The following RSBN1 variants were observed in gnomAD, a reference collection of about 807,000 sequenced individuals.
The protein encoded by RSBN1 is round spermatid basic protein 1.
Under a neutral mutation model 74.8 loss-of-function variants are expected in RSBN1, and 23 were observed. That is an observed-to-expected ratio of 0.31 (90% CI 0.22 to 0.44). RSBN1 has a LOEUF of 0.44. Among genes scored for constraint, RSBN1 ranks in the 20% least tolerant of loss-of-function variants. RSBN1 has a pLI of 1.00. For synonymous variants in RSBN1, 407 were observed against 379.6 expected (o/e 1.07, Z -0.84); for missense variants, 808 against 1,020.9 (o/e 0.79, Z 2.84).
chr1:113,790,506 T>G (rs1284895860), intron 2 of RSBN1, among the ~76,000 whole-genome samples: 1 of 152,084 alleles, frequency 6.6e-6, no homozygotes, highest in African/African-American at 2.4e-5. Flanking sequence ...AAAAGATGTA[T>G]ACAGATAAAG....
intron 4 of RSBN1, among the ~76,000 whole-genome samples, chr1:113,770,868 T>C (rs1359192331): frequency 6.6e-6 from 1 of 151,756 alleles, no homozygotes; most frequent in Non-Finnish European, 1.5e-5. Flanking sequence ...AAAAAGATAA[T>C]AGGAAATATG....
chr1:113,764,508 A>G lies in RSBN1; in HGVS notation c.*1472T>C, dbSNP rs1659743336. The G allele has an allele frequency of 6.6e-6, 1 of 152,568 alleles. No individual in the cohort carries two copies. Among genetic ancestry groups the G allele is most frequent in the Non-Finnish European group, 1.5e-5 (1 of 67,996 alleles). The allele number at this position is 152,568 out of a possible 1,614,324, so 9.5% of individuals were successfully genotyped here. The stretch of plus-strand genomic sequence containing the variant: ...CAATATTGCACAAAGTAATATTTAT[A>G]TAAGATTTAACCTATTTCAGAATAT... On this transcript the variant is annotated 3_prime_UTR_variant, in exon 7 of 7. Transcript: ENST00000261441.
rs185158277 is a variant in RSBN1, at chr1:113,772,623, C to G, written c.1659-4234G>C. Among the ~76,000 whole-genome samples, 25 of 152,274 alleles carry G rather than the reference C, an allele frequency of 1.6e-4. 1 individual carries two copies. The East Asian group carries it at 4.8e-3, about 29-fold the overall frequency. On this transcript the variant is annotated intron_variant, in intron 4 of 6. Coordinates refer to ENST00000261441, the MANE Select transcript of RSBN1 (RefSeq NM_018364.5). ...AGTAGCAGTGTCCTTGGTAACTGAA[C>G]AGCTTCTCACATTTTTATTCCACCA... is the stretch of plus-strand genomic sequence containing the variant.
Position 113,768,295 on chromosome 1 carries a change from G to A in RSBN1, c.1753C>T (p.His585Tyr). The A allele has an allele frequency of 1.9e-6, 3 of 1,613,792 alleles. No individual in the cohort carries two copies. Among genetic ancestry groups the A allele is most frequent in the Non-Finnish European group, 2.5e-6 (3 of 1,179,786 alleles). ...TGCCAGTCAAACCCCTGACCGACAT[G>A]ATCAGCATGAGCTCTAGTCCTATCT... ...FEDRTRAHADHVGQGFDWQST... is the reference protein window; with the variant it reads ...FEDRTRAHADYVGQGFDWQST... The change falls in exon 5 of 7, where the codon CAT becomes TAT. Residue 585 changes from histidine (H) to tyrosine (Y), a missense_variant. His to Tyr is a moderately conservative substitution (Grantham distance 83). Transcript: ENST00000261441.
chr1:113,783,553 G>C (rs1433759540), intron 2 of RSBN1, among the ~76,000 whole-genome samples: 1 of 152,116 alleles, frequency 6.6e-6, no homozygotes, highest in African/African-American at 2.4e-5. Context: ...CTTCTTTTTA[G>C]TAAGAAAATT....
At chr1:113,792,484 G>A (rs1236031573) in intron 2 of RSBN1, among the ~76,000 whole-genome samples, 3 of 152,276 alleles carry the variant, frequency 2.0e-5, no homozygotes, top group African/African-American at 4.8e-5. Flanking sequence ...AGGAGAATCC[G>A]TTGAGACCAG....
In RSBN1 at chr1:113,763,526, C is replaced by T. The variant is rs748440238; in HGVS notation, c.*2454G>A. On this transcript the variant is annotated 3_prime_UTR_variant, in exon 7 of 7. Transcript: ENST00000261441. ...ATACAGCTTTGAAAGCAGTAAAAAA[C>T]GCAAAACTTCTGCTTTTATACTCAT... 5 of 152,734 alleles carry T rather than the reference C, an allele frequency of 3.3e-5. No homozygotes were observed. Among genetic ancestry groups the T allele is most frequent in the African/African-American group, 4.8e-5 (2 of 41,438 alleles). 9.5% of individuals were successfully genotyped at this position (152,734 alleles called of 1,614,324 possible).
chr1:113,811,275 C>T (rs1030781213), intron 1 of RSBN1, among the ~76,000 whole-genome samples: 3 of 152,062 alleles, frequency 2.0e-5, no homozygotes, highest in Admixed American at 1.3e-4. Context: ...ATATGAATTC[C>T]CTCCTGAAAG....
chr1:113,793,316 G>GT (rs1314055236), intron 2 of RSBN1, among the ~76,000 whole-genome samples: 2 of 152,166 alleles, frequency 1.3e-5, no homozygotes, highest in African/African-American at 4.8e-5. Context: ...CCTGTCCACG[G>GT]TTTGCAAAGC....
At chr1:113,807,969 C>T (rs1302575025) in intron 1 of RSBN1, among the ~76,000 whole-genome samples, 1 of 151,912 alleles carries the variant, frequency 6.6e-6, no homozygotes, top group African/African-American at 2.4e-5. Context: ...TGATGTATCA[C>T]CACACGTCTA....
At position 113,763,375 on chromosome 1, in the gene RSBN1, TACA is replaced by T. The variant is rs1376092122; in HGVS notation, c.*2602_*2604del. 2.0e-5 allele frequency: 3 copies of T among 152,712 alleles called. No individual in the cohort carries two copies. Among genetic ancestry groups the T allele is most frequent in the Non-Finnish European group, 2.9e-5 (2 of 68,018 alleles). 9.5% of individuals were successfully genotyped at this position (152,712 alleles called of 1,614,324 possible). A position where few individuals can be genotyped will look rare whatever the true frequency, so the allele number is the denominator to read the frequency against. The stretch of plus-strand genomic sequence containing the variant: ...AAGGAAGATCAGCTTAAATTTCAGT[TACA>T]ACTTCACTGCCATCACTACTTTAAC... On this transcript the variant is annotated 3_prime_UTR_variant, in exon 7 of 7. Coordinates refer to ENST00000261441, the MANE Select transcript of RSBN1 (RefSeq NM_018364.5).
chr1:113,777,837 G>T (rs759246979), intron 2 of RSBN1, 29 bp from the exon 3 acceptor site: 2 of 1,530,566 alleles, frequency 1.3e-6, no homozygotes, highest in South Asian at 2.7e-5. Context: ...GGGAAAAATG[G>T]ACTGAGGTAC....
At chr1:113,783,888 GC>G (rs1660188761) in intron 2 of RSBN1, among the ~76,000 whole-genome samples, 1 of 152,172 alleles carries the variant, frequency 6.6e-6, no homozygotes, top group African/African-American at 2.4e-5. Context: ...TTTTGTTCTA[GC>G]CACTGCACAT....
At chr1:113,809,839 A>G (rs1660794849) in intron 1 of RSBN1, among the ~76,000 whole-genome samples, 2 of 152,172 alleles carry the variant, frequency 1.3e-5, no homozygotes, top group African/African-American at 4.8e-5. Context: ...CAGTTCCTCA[A>G]TCATGCCACA....
rs1660858649 is a variant in RSBN1, at chr1:113,811,829, T to C, written c.584A>G (p.His195Arg). Residue 195 changes from histidine (H) to arginine (R), a missense_variant, in exon 1 of 7, where the codon CAT (histidine) becomes CGT (arginine). This residue lies in a region of RSBN1 where 464 missense variants were observed against 401.0 expected (regional missense o/e 1.16). Coordinates refer to ENST00000261441, the MANE Select transcript of RSBN1 (RefSeq NM_018364.5). ...ATCACCATCGGGGCCGCGGTGGTGA[T>C]GGTGCTTGTGCCGCTCCTTGTGGCC... Reference protein sequence around the residue: ...HKGHKERHKHHHHRGPDGDPS... With the variant: ...HKGHKERHKHRHHRGPDGDPS... 1.2e-6 allele frequency: 2 copies of C among 1,613,684 alleles called. No individual in the cohort carries two copies. Among genetic ancestry groups the C allele is most frequent in the Non-Finnish European group, 1.7e-6 (2 of 1,179,940 alleles).
At position 113,798,029 on chromosome 1, in the gene RSBN1, T is replaced by C. The variant is rs762082552; in HGVS notation, c.711A>G (p.Pro237=). ...CTCTCTGGGTTTTACCATTTTCATC[T>C]GGTGTTTCTGGCCACAATAATTAAA... The part of the protein sequence containing the change: ...PLIKAPKRET[P]DENGKTQRAD... The change falls in exon 2 of 7, where the codon CCA becomes CCG. Residue 237 remains proline (P), a synonymous_variant. Coordinates refer to ENST00000261441, the MANE Select transcript of RSBN1 (RefSeq NM_018364.5). The C allele has an allele frequency of 6.3e-7, 1 of 1,599,654 alleles. No individual in the cohort carries two copies. Among genetic ancestry groups the C allele is most frequent in the African/African-American group, 1.4e-5 (1 of 73,586 alleles).
At chr1:113,783,965 C>T (rs181116408) in intron 2 of RSBN1, among the ~76,000 whole-genome samples, 1 of 152,260 alleles carries the variant, frequency 6.6e-6, no homozygotes, top group East Asian at 1.9e-4. Flanking sequence ...AGGCAATATT[C>T]TGCATTGCAC....
intron 2 of RSBN1, among the ~76,000 whole-genome samples, chr1:113,778,085 T>C (rs1009946531): frequency 2.0e-5 from 3 of 152,182 alleles, no homozygotes; most frequent in African/African-American, 7.2e-5. Context: ...TCTCTAAAAA[T>C]GATTTTTTTA....
Position 113,763,992 on chromosome 1 carries a change from A to G in RSBN1, c.*1988T>C, listed in dbSNP as rs902066659. 2.0e-5 allele frequency: 3 copies of G among 152,410 alleles called. No individual in the cohort carries two copies. The highest frequency in any genetic ancestry group is 4.8e-5 in the African/African-American group (2 of 41,462). 9.4% of individuals were successfully genotyped at this position (152,410 alleles called of 1,614,324 possible). ...AGCCTTCTCTTCATGATTATTTTTAAAAGCAAATGTTGCCTGAGAAGAATT... is the reference window on the plus strand; with the variant it reads ...AGCCTTCTCTTCATGATTATTTTTAGAAGCAAATGTTGCCTGAGAAGAATT... On this transcript the variant is annotated 3_prime_UTR_variant, in exon 7 of 7. Transcript: ENST00000261441.
Sources: allele counts gnomAD v4.1 joint callset (sites outside exome capture counted in the v4.1 genomes callset), GRCh38; gene constraint gnomAD v4.1.1; regional missense constraint gnomAD v4.1.1; transcripts MANE v1.5; gene names NCBI Gene and HGNC (gene_info 2026-07-23, HGNC 2026-07-21).